Variants in PCDHGB4 observed in about 807,000 individuals in gnomAD.
PCDHGB4 encodes protocadherin gamma subfamily B, 4.
Under a neutral mutation model 60.5 loss-of-function variants are expected in PCDHGB4, and 38 were observed. That is an observed-to-expected ratio of 0.63 (90% confidence interval 0.48 to 0.82). The LOEUF (loss-of-function observed/expected upper bound fraction) is 0.82, where lower values mean the gene tolerates loss of function less well. PCDHGB4 is among the 40% of genes least tolerant of loss of function. PCDHGB4 has a pLI of 0.00. For synonymous variants in PCDHGB4, 456 were observed against 509.7 expected, an observed-to-expected ratio of 0.89 and a Z score of 1.42; for missense variants, 1,109 against 1,209.6, an observed-to-expected ratio of 0.92 and a Z score of 1.23.
chr5:141,487,123 T>C lies in PCDHGB4; in HGVS notation c.2398-7684T>C. 6.2e-7 allele frequency: 1 copy of C among 1,614,086 alleles called. No homozygotes were observed. The highest frequency in any genetic ancestry group is 1.1e-5 in the South Asian group (1 of 91,082). On this transcript the variant is annotated intron_variant, in intron 1 of 3. Coordinates refer to ENST00000519479, the MANE Select transcript of PCDHGB4 (RefSeq NM_003736.4). The surrounding 1 kb of genome is among the most constrained non-coding windows in gnomAD (Gnocchi z 5.0). ...AGCTGGTCATTGTGGTAAAGGATAG[T>C]GGTAGTCCACCACTCTCTACCTCTG...
intron 1 of PCDHGB4, chr5:141,419,262 G>C: frequency 1.9e-6 from 3 of 1,614,014 alleles, no homozygotes; most frequent in Non-Finnish European, 2.5e-6. Context: ...AACCAGCCGG[G>C]TGCCTCCATA....
At chr5:141,450,080 C>G (rs140080701) in intron 1 of PCDHGB4, among the ~76,000 whole-genome samples, 6,313 of 144,358 alleles carry the variant, frequency 0.044, 398 homozygotes, top group Admixed American at 0.19. Context: ...GATCTTGGCT[C>G]ACTGCAACCT....
intron 1 of PCDHGB4, chr5:141,421,232 C>G (rs748347420): frequency 1.3e-6 from 2 of 1,590,370 alleles, no homozygotes; most frequent in Non-Finnish European, 1.7e-6. Context: ...CCTGCCATGG[C>G]GAATCGGCTA....
chr5:141,404,579 A>G (rs1390358900), intron 1 of PCDHGB4: 1 of 1,614,002 alleles, frequency 6.2e-7, no homozygotes, highest in Non-Finnish European at 8.5e-7. Flanking sequence ...CCCACCACTT[A>G]GCAGCAATGT....
chr5:141,409,941 G>T, intron 1 of PCDHGB4: 1 of 1,613,226 alleles, frequency 6.2e-7, no homozygotes, highest in South Asian at 1.1e-5. Flanking sequence ...ATGGTACCTC[G>T]CTCTGCAGAG....
chr5:141,400,476 C>T (rs2094027348), intron 1 of PCDHGB4: 2 of 1,613,846 alleles, frequency 1.2e-6, no homozygotes, highest in African/African-American at 2.7e-5. Context: ...CATCTGGGGC[C>T]TTATTTCCAC....
chr5:141,471,637 T>G (rs1284100810), intron 1 of PCDHGB4: 1 of 152,198 alleles, frequency 6.6e-6, no homozygotes, highest in Non-Finnish European at 1.5e-5. Context: ...TATGGATTAG[T>G]AATATACTGG....
chr5:141,509,115 G>C (rs1480955058), intron 3 of PCDHGB4, among the ~76,000 whole-genome samples: 1 of 152,186 alleles, frequency 6.6e-6, no homozygotes, highest in Non-Finnish European at 1.5e-5. Flanking sequence ...GAGCGCTGGT[G>C]CGTGAAGAGA....
Position 141,393,456 on chromosome 5 carries a change from T to A in PCDHGB4, c.2397+3175T>A. ...TGCTCACCACCTGGTCCTCACGGCC[T>A]CGGATGGCGGCAAGCCGCCTCGCTC... On this transcript the variant is annotated intron_variant, in intron 1 of 3. Coordinates refer to ENST00000519479, the MANE Select transcript of PCDHGB4 (RefSeq NM_003736.4). 1 of 1,614,026 alleles carries A rather than the reference T, an allele frequency of 6.2e-7. No individual in the cohort carries two copies. Among genetic ancestry groups the A allele is most frequent in the African/African-American group, 1.3e-5 (1 of 75,058 alleles).
At chr5:141,419,034 T>C in intron 1 of PCDHGB4, 1 of 1,613,902 alleles carries the variant, frequency 6.2e-7, no homozygotes, top group Non-Finnish European at 8.5e-7. Flanking sequence ...GGTGTTCCAT[T>C]TAAGATTCAT....
chr5:141,478,532 G>T, intron 1 of PCDHGB4: 1 of 1,607,858 alleles, frequency 6.2e-7, no homozygotes, highest in East Asian at 2.2e-5. Flanking sequence ...TGCAGAGAGC[G>T]CCCCTCCCGG....
chr5:141,448,192 TACAAAC>T (rs2098573842), intron 1 of PCDHGB4, among the ~76,000 whole-genome samples: 1 of 152,188 alleles, frequency 6.6e-6, no homozygotes, highest in Non-Finnish European at 1.5e-5. Flanking sequence ...TATGTACACT[TACAAAC>T]ATTTTCTGTG....
intron 2 of PCDHGB4, among the ~76,000 whole-genome samples, 177 bp from the exon 3 acceptor site, chr5:141,505,216 T>C (rs547855353): frequency 1.1e-4 from 17 of 152,234 alleles, no homozygotes; most frequent in Non-Finnish European, 2.9e-5. Context: ...AGGGACTGAC[T>C]TGTGGGATTC....
At chr5:141,478,920 C>A (rs559060283) in intron 1 of PCDHGB4, 1 of 728,392 alleles carries the variant, frequency 1.4e-6, no homozygotes. Context: ...ATACCTCTAA[C>A]CAGTGGCAGC....
intron 1 of PCDHGB4, chr5:141,391,563 A>T (rs545672465): frequency 5.3e-5 from 8 of 152,322 alleles, no homozygotes; most frequent in Admixed American, 2.0e-4. Context: ...TTCCATATGC[A>T]TAAGAAAATA....
intron 1 of PCDHGB4, among the ~76,000 whole-genome samples, chr5:141,481,749 C>G (rs958851030): frequency 7.9e-5 from 12 of 151,976 alleles, no homozygotes; most frequent in African/African-American, 2.9e-4. Context: ...GTCAGGAGTC[C>G]AAGACCAGCC....
chr5:141,487,348 C>T lies in PCDHGB4; in HGVS notation c.2398-7459C>T, dbSNP rs929693998. ...GTGGGGCAGCCTGTGGAGTCACATG[C>T]TTTCCTGCTGGCACCTGTGCCTGTC... On this transcript the variant is annotated intron_variant, in intron 1 of 3. Coordinates refer to ENST00000519479, the MANE Select transcript of PCDHGB4 (RefSeq NM_003736.4). The surrounding 1 kb of genome is among the most constrained non-coding windows in gnomAD (Gnocchi z 5.0). The T allele has an allele frequency of 2.5e-6, 4 of 1,614,080 alleles. No homozygotes were observed. The highest frequency in any genetic ancestry group is 2.2e-5 in the East Asian group (1 of 44,882).
In PCDHGB4 at chr5:141,389,325, C is replaced by A. The variant is rs368804822; in HGVS notation, c.1441C>A (p.Pro481Thr). 3 of 1,614,004 alleles carry A rather than the reference C, an allele frequency of 1.9e-6. No homozygotes were observed. The highest frequency in any genetic ancestry group is 2.5e-6 in the Non-Finnish European group (3 of 1,179,900). ...CAGGGCTTCTGATCCGGACTTGGGG[C>A]CCAACGGCCAAGTCTCTTACTGCAT... ...QVRASDPDLGPNGQVSYCIMA... is the reference protein window; with the variant it reads ...QVRASDPDLGTNGQVSYCIMA... The change falls in exon 1 of 4, where the codon CCC becomes ACC. Residue 481 changes from proline to threonine, a missense_variant. Pro to Thr is a conservative substitution (Grantham distance 38). Coordinates refer to ENST00000519479, the MANE Select transcript of PCDHGB4 (RefSeq NM_003736.4).
rs572282329 is a variant in PCDHGB4 at position 141,388,648 on chromosome 5, T to A, written c.764T>A (p.Val255Glu). The change falls in exon 1 of 4, where the codon GTG becomes GAG. Residue 255 changes from valine (V) to glutamate (E), a missense_variant. This residue lies in a region of PCDHGB4 where 1,068 missense variants were observed against 1,089.9 expected (regional missense o/e 0.98). Coordinates refer to ENST00000519479, the MANE Select transcript of PCDHGB4 (RefSeq NM_003736.4). ...TACAGGGTGAGCCTTTCAGAAAACG[T>A]GTACCCGGGGACCACGGTGCTACAG... is the stretch of plus-strand genomic sequence containing the variant. ...DVYRVSLSEN[V>E]YPGTTVLQVT... 5 of 1,613,938 alleles carry A rather than the reference T, an allele frequency of 3.1e-6. No homozygotes were observed. The East Asian group carries it at 8.9e-5, about 29-fold the overall frequency.
Sources: gnomAD v4.1 joint callset for allele counts (sites outside exome capture counted in the v4.1 genomes callset) on GRCh38, gnomAD v4.1.1 for gene constraint, gnomAD v4.1.1 regional missense constraint, Gnocchi (gnomAD v3.1) non-coding constraint, MANE v1.5 for transcripts, NCBI Gene and HGNC (gene_info 2026-07-23, HGNC 2026-07-21) for gene names.